Variants in ADGRV1 observed in about 807,000 individuals in gnomAD.
The protein encoded by ADGRV1 is G-protein coupled receptor 98.
ADGRV1 carries 359 observed loss-of-function variants against 596.2 expected under a neutral mutation model. That is an observed-to-expected ratio of 0.60 (90% CI 0.55 to 0.66). The LOEUF is 0.66. Ranked by LOEUF, ADGRV1 falls within the 30% of genes least tolerant of loss-of-function variation. ADGRV1 has a pLI of 0.00. For missense variants in ADGRV1, 7,274 were observed against 7,575.6 expected, an observed-to-expected ratio of 0.96 and a Z score of 1.48; for synonymous variants, 2,681 against 2,679.2, an observed-to-expected ratio of 1.00 and a Z score of -0.02.
At chr5:91,065,379 T>C (rs1235895338) in intron 85 of ADGRV1, among the ~76,000 whole-genome samples, 4 of 152,268 alleles carry the variant, frequency 2.6e-5, no homozygotes, top group Non-Finnish European at 4.4e-5. Context: ...GTCCTTTCAC[T>C]ACCTGGGTCC....
At chr5:91,004,161 C>T (rs796405595) in intron 85 of ADGRV1, among the ~76,000 whole-genome samples, 33 of 152,230 alleles carry the variant, frequency 2.2e-4, no homozygotes, top group African/African-American at 7.7e-4. Flanking sequence ...CTGTAAAAGA[C>T]TTCCAACTAT....
intron 87 of ADGRV1, among the ~76,000 whole-genome samples, chr5:91,105,205 G>A (rs1292367739): frequency 1.3e-5 from 2 of 152,132 alleles, no homozygotes; most frequent in East Asian, 1.9e-4. Context: ...ATTCCATTGT[G>A]TGAATTTACC....
chr5:90,785,049 G>T (rs567806069), intron 67 of ADGRV1, among the ~76,000 whole-genome samples: 1 of 152,034 alleles, frequency 6.6e-6, no homozygotes, highest in Admixed American at 6.6e-5. Flanking sequence ...CCAAAACAGC[G>T]TGGTACTGGT....
chr5:90,765,676 A>G (rs1426995465), intron 59 of ADGRV1, among the ~76,000 whole-genome samples: 1 of 151,904 alleles, frequency 6.6e-6, no homozygotes, highest in Non-Finnish European at 1.5e-5. Context: ...ACAATAGATT[A>G]TTGTTACCTA....
chr5:90,920,376 C>A (rs114717251), intron 83 of ADGRV1, among the ~76,000 whole-genome samples: 1 of 152,086 alleles, frequency 6.6e-6, no homozygotes, highest in Non-Finnish European at 1.5e-5. Context: ...CATATGAATT[C>A]GGGGAGACGC....
intron 85 of ADGRV1, among the ~76,000 whole-genome samples, chr5:91,063,140 G>C (rs1191381088): frequency 6.6e-6 from 1 of 151,100 alleles, no homozygotes; most frequent in Non-Finnish European, 1.5e-5. Flanking sequence ...TGTATTTTTT[G>C]TAGAGATGGA....
At chr5:90,597,011 C>G (rs1163943822) in intron 1 of ADGRV1, among the ~76,000 whole-genome samples, 1 of 152,162 alleles carries the variant, frequency 6.6e-6, no homozygotes, top group Non-Finnish European at 1.5e-5. Context: ...ATATGATCAA[C>G]TCATCTTCAC....
At chr5:90,763,983 G>C (rs769366210) in intron 59 of ADGRV1, among the ~76,000 whole-genome samples, 2 of 152,186 alleles carry the variant, frequency 1.3e-5, no homozygotes, top group Non-Finnish European at 2.9e-5. Flanking sequence ...GTTGACTGAT[G>C]TCTGATGTTG....
chr5:90,862,545 A>G lies in ADGRV1; in HGVS notation c.17756-1212A>G, dbSNP rs189082214. On this transcript the variant is annotated intron_variant, in intron 82 of 89. Coordinates refer to ENST00000405460, the MANE Select transcript of ADGRV1 (RefSeq NM_032119.4). ...TAGACTACCTAAGTCAAGATGCACAATATCTAGCATGACTCTGCAGTTCCT... is the reference window on the plus strand; with the variant it reads ...TAGACTACCTAAGTCAAGATGCACAGTATCTAGCATGACTCTGCAGTTCCT... 2.1e-3 allele frequency among the ~76,000 whole-genome samples: 317 copies of G among 152,318 alleles called. 3 individuals are homozygous for G. The highest frequency in any genetic ancestry group is 5.1e-3 in the Admixed American group (78 of 15,290).
intron 1 of ADGRV1, among the ~76,000 whole-genome samples, chr5:90,607,794 T>C (rs775980061): frequency 5.3e-5 from 8 of 152,156 alleles, no homozygotes; most frequent in Non-Finnish European, 7.4e-5. Context: ...TATGAAGATA[T>C]GAAGATCCAT....
chr5:90,907,633 T>C (rs1038463125), intron 83 of ADGRV1, among the ~76,000 whole-genome samples: 2 of 152,102 alleles, frequency 1.3e-5, no homozygotes, highest in Non-Finnish European at 2.9e-5. Flanking sequence ...ACCTGGTGAA[T>C]TGCTATTCAT....
Position 90,642,901 on chromosome 5 carries a change from C to T in ADGRV1, c.2413C>T (p.Leu805Phe). The T allele has an allele frequency of 6.2e-7, 1 of 1,611,624 alleles. No individual in the cohort carries two copies. The highest frequency in any genetic ancestry group is 1.3e-5 in the African/African-American group (1 of 74,912). The change falls in exon 13 of 90, where the codon CTT (leucine) becomes TTT (phenylalanine). Residue 805 changes from leucine to phenylalanine, a missense_variant. Coordinates refer to ENST00000405460, the MANE Select transcript of ADGRV1 (RefSeq NM_032119.4). ...CCACATCATCCGATCAAGGGGGTCC[C>T]TTGTTAAGCAGTTTCTACACTACCG... The part of the protein sequence containing the change: ...ELHIIRSRGS[L>F]VKQFLHYRVE...
chr5:90,853,539 C>A lies in ADGRV1; in HGVS notation c.17454+6C>A. 1.2e-6 allele frequency: 2 copies of A among 1,606,184 alleles called. No homozygotes were observed. The highest frequency in any genetic ancestry group is 1.7e-6 in the Non-Finnish European group (2 of 1,175,108). On this transcript the variant is annotated splice_donor_region_variant and intron_variant, in intron 80 of 89. Coordinates refer to ENST00000405460, the MANE Select transcript of ADGRV1 (RefSeq NM_032119.4). ...TTCCTACCCTAAAAAATAAGGTAATCTTTCATTCAAAACACTTATGTGGTT... is the reference window on the plus strand; with the variant it reads ...TTCCTACCCTAAAAAATAAGGTAATATTTCATTCAAAACACTTATGTGGTT...
chr5:90,894,039 T>C (rs1771073430), intron 83 of ADGRV1, among the ~76,000 whole-genome samples: 1 of 152,196 alleles, frequency 6.6e-6, no homozygotes. Flanking sequence ...GGCTAAACCC[T>C]AATAAAGACT....
chr5:91,163,840 C>A lies in ADGRV1; in HGVS notation c.18861C>A (p.Thr6287=). The A allele has an allele frequency of 6.2e-7, 1 of 1,607,830 alleles. No individual in the cohort carries two copies. Among genetic ancestry groups the A allele is most frequent in the East Asian group, 2.2e-5 (1 of 44,774 alleles). The change falls in exon 90 of 90, where the codon ACC becomes ACA. Residue 6287 remains threonine (T), a synonymous_variant. Transcript: ENST00000405460. ...GTCAAGGCAGCCAGGAGGGGGGCAC[C>A]TTGACTGACTCCCAGATCGTGGAGC... ...ESGQGSQEGG[T]LTDSQIVELR...
At chr5:90,851,261 G>A (rs997375473) in intron 79 of ADGRV1, among the ~76,000 whole-genome samples, 2 of 151,906 alleles carry the variant, frequency 1.3e-5, no homozygotes, top group African/African-American at 4.8e-5. Context: ...AAACCACATA[G>A]GGGATTACTG....
intron 1 of ADGRV1, among the ~76,000 whole-genome samples, chr5:90,601,408 A>G (rs1267465014): frequency 1.3e-5 from 2 of 152,208 alleles, no homozygotes; most frequent in African/African-American, 4.8e-5. Flanking sequence ...AGCCAAAACT[A>G]TACATGAAGC....
At chr5:90,685,321 G>A (rs1192873941) in intron 28 of ADGRV1, among the ~76,000 whole-genome samples, 1 of 152,074 alleles carries the variant, frequency 6.6e-6, no homozygotes, top group Non-Finnish European at 1.5e-5. Flanking sequence ...GGTGGCTTAT[G>A]CCTGTAATCC....
intron 89 of ADGRV1, among the ~76,000 whole-genome samples, chr5:91,161,093 A>T (rs1796902291): frequency 6.6e-6 from 1 of 152,156 alleles, no homozygotes; most frequent in South Asian, 2.1e-4. Context: ...TAGTTAAGTC[A>T]TTCGGCCTCA....
Sources: allele counts gnomAD v4.1 joint callset (sites outside exome capture counted in the v4.1 genomes callset), GRCh38; gene constraint gnomAD v4.1.1; transcripts MANE v1.5; gene names NCBI Gene and HGNC (gene_info 2026-07-23, HGNC 2026-07-21).